Variants in MED14 observed in about 807,000 individuals in gnomAD.
MED14 encodes mediator of RNA polymerase II transcription subunit 14.
In MED14, 8 loss-of-function variants were observed where a neutral mutation model predicts 109.0. The observed-to-expected ratio is 0.07, with a 90% CI of 0.04 to 0.13. The LOEUF (loss-of-function observed/expected upper bound fraction) is 0.13, where lower values mean the gene tolerates loss of function less well. Among genes scored for constraint, MED14 ranks in the 10% least tolerant of loss-of-function variants. The pLI, the probability that MED14 is intolerant of heterozygous loss-of-function variation, is 1.00. For missense variants in MED14, 711 were observed against 1,142.4 expected, an observed-to-expected ratio of 0.62 and a Z score of 5.44; for synonymous variants, 399 against 408.7, an observed-to-expected ratio of 0.98 and a Z score of 0.29.
intron 3 of MED14, among the ~76,000 whole-genome samples, chrX:40,725,946 C>CA (rs1931879804): frequency 9.0e-6 from 1 of 111,670 alleles, no homozygotes; most frequent in East Asian, 2.8e-4. Context: ...AAGACCCCAC[C>CA]AAAAAACTAT....
At chrX:40,654,823 C>T (rs187946359) in intron 29 of MED14, 112 bp downstream of exon 29, 1 of 965,551 alleles carries the variant, frequency 1.0e-6, no homozygotes, top group East Asian at 3.4e-5. Context: ...GGAATCCTGG[C>T]CTCTATTTGG....
At chrX:40,729,473 C>T in intron 1 of MED14, 128 bp from the exon 2 acceptor site, 1 of 570,838 alleles carries the variant, frequency 1.8e-6, no homozygotes, top group African/African-American at 2.3e-5. Flanking sequence ...CTACTACAGG[C>T]TCATGTAGCT....
At position 40,709,432 on chromosome X, in the gene MED14, G is replaced by A. The variant is rs1022869461; in HGVS notation, c.1201C>T (p.Leu401=). 5.3e-6 allele frequency: 6 copies of A among 1,132,365 alleles called. No homozygotes were observed. In the Admixed American group the frequency reaches 1.4e-4, roughly 27 times the overall value. 93.3% of individuals were successfully genotyped at this position (1,132,365 alleles called of 1,213,427 possible). ...KIDHLSIEKL[L]IDSVHARAHQ... is the part of the protein sequence containing the mutation. Reference sequence around the variant, plus strand: ...GCTCTTGCATGGACACTGTCAATCAGGAGTTTTTCTATTGATAAGTGGTCG... The same window carrying A: ...GCTCTTGCATGGACACTGTCAATCAAGAGTTTTTCTATTGATAAGTGGTCG... Residue 401 remains leucine (L), a synonymous_variant, in exon 10 of 31, where the codon CTG becomes TTG. Coordinates refer to ENST00000324817, the MANE Select transcript of MED14 (RefSeq NM_004229.4).
At chrX:40,731,806 A>G (rs1322435927) in intron 1 of MED14, among the ~76,000 whole-genome samples, 1 of 112,529 alleles carries the variant, frequency 8.9e-6, no homozygotes, top group Non-Finnish European at 1.9e-5. Flanking sequence ...TGAGTTATCA[A>G]ACACTAGTTA....
chrX:40,679,501 T>C (rs916109943), intron 21 of MED14, among the ~76,000 whole-genome samples: 6 of 111,741 alleles, frequency 5.4e-5, no homozygotes, highest in Non-Finnish European at 5.6e-5. Context: ...AGTGAGACTC[T>C]GTCTCATAAA....
rs188126252 is a variant in MED14 at position 40,708,343 on chromosome X, C to T, written c.1285+1005G>A. ...CACTTTCCTTGAATGAGTATGTATTCTAAATACACACTTATTTTTCTAACT... is the reference window on the plus strand; with the variant it reads ...CACTTTCCTTGAATGAGTATGTATTTTAAATACACACTTATTTTTCTAACT... On this transcript the variant is annotated intron_variant, in intron 10 of 30. Coordinates refer to ENST00000324817, the MANE Select transcript of MED14 (RefSeq NM_004229.4). Among the ~76,000 whole-genome samples, 302 of 111,740 alleles carry T rather than the reference C, an allele frequency of 2.7e-3. 2 individuals carry two copies. Among genetic ancestry groups the T allele is most frequent in the African/African-American group, 9.3e-3 (287 of 30,793 alleles).
At chrX:40,663,753 G>A (rs754223577) in intron 25 of MED14, among the ~76,000 whole-genome samples, 2 of 112,626 alleles carry the variant, frequency 1.8e-5, no homozygotes, top group African/African-American at 3.2e-5. Flanking sequence ...GCCACTAAAT[G>A]TAGCAAAAGC....
At chrX:40,655,453 G>A (rs1602440022) in intron 28 of MED14, among the ~76,000 whole-genome samples, 2 of 111,048 alleles carry the variant, frequency 1.8e-5, no homozygotes, top group Non-Finnish European at 3.8e-5. Context: ...ACCACCATCA[G>A]ATATAGGTCC....
At chrX:40,672,012 C>T (rs376922649) in intron 22 of MED14, 40 bp from the exon 23 acceptor site, 11 of 850,112 alleles carry the variant, frequency 1.3e-5, no homozygotes, top group African/African-American at 6.0e-5. Flanking sequence ...AATGGCCAAC[C>T]GCACGGAGCA....
chrX:40,713,753 A>C, intron 5 of MED14, 25 bp downstream of exon 5: 1 of 1,206,811 alleles, frequency 8.3e-7, no homozygotes, highest in Non-Finnish European at 1.1e-6. Flanking sequence ...ATCAACTCTT[A>C]AAAAAATAAA....
intron 3 of MED14, among the ~76,000 whole-genome samples, chrX:40,715,835 TAAAC>T (rs1285156312): frequency 4.0e-5 from 1 of 25,250 alleles, no homozygotes; most frequent in Non-Finnish European, 9.2e-5. Flanking sequence ...AAAGCAAAAA[TAAAC>T]AAAAGAGATT....
chrX:40,722,598 T>C (rs1419310936), intron 3 of MED14, among the ~76,000 whole-genome samples: 2 of 111,426 alleles, frequency 1.8e-5, no homozygotes, highest in South Asian at 7.5e-4. Flanking sequence ...TAGAGAAAGA[T>C]ACCAACATTA....
chrX:40,650,329 A>G lies in MED14; in HGVS notation c.*1477T>C. 1.3e-6 allele frequency: 1 copy of G among 753,922 alleles called. No individual in the cohort carries two copies. The highest frequency in any genetic ancestry group is 1.6e-6 in the Non-Finnish European group (1 of 638,821). The allele number at this position is 753,922 out of a possible 1,213,427, so 62.1% of individuals were successfully genotyped here. ...TGATTGAAAATGAGTGGAGAATCAA[A>G]CAAAGTTGAGAACAGATATGATATA... On this transcript the variant is annotated 3_prime_UTR_variant, in exon 31 of 31. Coordinates refer to ENST00000324817, the MANE Select transcript of MED14 (RefSeq NM_004229.4).
In MED14 at chrX:40,659,581, G is replaced by A. The variant is rs779589746; in HGVS notation, c.3711C>T (p.Pro1237=). The change falls in exon 27 of 31, where the codon CCC becomes CCT. Residue 1237 remains proline, a synonymous_variant. Coordinates refer to ENST00000324817, the MANE Select transcript of MED14 (RefSeq NM_004229.4). ...CATCAGTCTTAAACATGATCACTCCGGGTTCATTAGAATTTATCAGCTGCA... is the reference window on the plus strand; with the variant it reads ...CATCAGTCTTAAACATGATCACTCCAGGTTCATTAGAATTTATCAGCTGCA... ...ETLQLINSNE[P]GVIMFKTDAL... is the part of the protein sequence containing the mutation. 26 of 1,197,513 alleles carry A rather than the reference G, an allele frequency of 2.2e-5. No homozygotes were observed. The highest frequency in any genetic ancestry group is 8.9e-5 in the East Asian group (3 of 33,582).
Position 40,650,751 on chromosome X carries a change from A to C in MED14, c.*1055T>G. The C allele has an allele frequency of 2.7e-6, 2 of 754,038 alleles. No individual in the cohort carries two copies. Among genetic ancestry groups the C allele is most frequent in the Non-Finnish European group, 3.1e-6 (2 of 638,850 alleles). 62.1% of individuals were successfully genotyped at this position (754,038 alleles called of 1,213,427 possible). ...AGCAAAACATTCTATCGTTTTGTTG[A>C]CAATGAATTAAATTGAAATTGTTTA... is the stretch of plus-strand genomic sequence containing the variant. On this transcript the variant is annotated 3_prime_UTR_variant, in exon 31 of 31. Transcript: ENST00000324817.
chrX:40,735,526 G>A lies in MED14; in HGVS notation c.-114C>T. The A allele has an allele frequency of 1.4e-6, 1 of 740,345 alleles. No homozygotes were observed. 61.0% of individuals were successfully genotyped at this position (740,345 alleles called of 1,213,427 possible). ...GGCAGAGTCGCCACCGCCTACCGCC[G>A]GGCCGCCTCAGAACAGGAAGCCGTG... On this transcript the variant is annotated 5_prime_UTR_variant, in exon 1 of 31. Coordinates refer to ENST00000324817, the MANE Select transcript of MED14 (RefSeq NM_004229.4).
chrX:40,666,430 C>T (rs1270894254), intron 24 of MED14, among the ~76,000 whole-genome samples: 1 of 109,508 alleles, frequency 9.1e-6, no homozygotes, highest in Admixed American at 9.9e-5. Context: ...TGGTAGACAG[C>T]AAGTGAGAAT....
intron 29 of MED14, 22 bp from the exon 30 acceptor site, chrX:40,654,578 A>G (rs773926224): frequency 1.7e-6 from 2 of 1,182,002 alleles, no homozygotes; most frequent in Non-Finnish European, 1.1e-6. Flanking sequence ...CAACACACAC[A>G]AAGAGAATAA....
At chrX:40,713,950 G>A in intron 4 of MED14, 43 bp from the exon 5 acceptor site, 1 of 1,163,822 alleles carries the variant, frequency 8.6e-7, no homozygotes. Flanking sequence ...GTACAAACGG[G>A]GATTTTTTTT....
Sources: allele counts gnomAD v4.1 joint callset (sites outside exome capture counted in the v4.1 genomes callset), GRCh38; gene constraint gnomAD v4.1.1; transcripts MANE v1.5; gene names NCBI Gene and HGNC (gene_info 2026-07-23, HGNC 2026-07-21).